ALX4: variants seen among roughly 807,000 people sequenced by gnomAD.
ALX4 encodes the protein homeobox protein aristaless-like 4.
A neutral mutation model predicts 40.6 loss-of-function variants in ALX4; 22 were observed. The ratio of observed to expected loss-of-function variants is 0.54; its 90% CI spans 0.39 to 0.77. The LOEUF (loss-of-function observed/expected upper bound fraction) is 0.77, where lower values mean the gene tolerates loss of function less well. Ranked by LOEUF, ALX4 falls within the 30% of genes least tolerant of loss-of-function variation. The pLI is 0.00. For missense variants in ALX4, 556 were observed against 564.8 expected (o/e 0.98, Z 0.16); for synonymous variants, 266 against 240.5 (o/e 1.11, Z -0.98).
chr11:44,281,080 A>T (rs1325886594), intron 1 of ALX4, among the ~76,000 whole-genome samples: 2 of 151,928 alleles, frequency 1.3e-5, no homozygotes, highest in Non-Finnish European at 2.9e-5. Context: ...AACCCTTGAG[A>T]GGTTTCCAAA....
At position 44,265,071 on chromosome 11, in the gene ALX4, C is replaced by A; in HGVS notation, c.1019G>T (p.Gly340Val). 1.1e-5 allele frequency: 17 copies of A among 1,612,964 alleles called. No individual in the cohort carries two copies. Among genetic ancestry groups the A allele is most frequent in the Non-Finnish European group, 1.4e-5 (17 of 1,179,918 alleles). Reference protein sequence around the residue: ...ACMSPHAHPPGSGASSVTDFL... With the variant: ...ACMSPHAHPPVSGASSVTDFL... ...GTCGGTGACGCTGCTGGCCCCAGAG[C>A]CAGGGGGGTGGGCATGAGGGGACAT... The change falls in exon 4 of 4, where the codon GGC (glycine) becomes GTC (valine). Residue 340 changes from glycine to valine, a missense_variant. By Grantham distance (109) the Gly-to-Val change is moderately radical. Coordinates refer to ENST00000652299, the MANE Select transcript of ALX4 (RefSeq NM_021926.4).
intron 1 of ALX4, among the ~76,000 whole-genome samples, chr11:44,285,028 A>G (rs1956330611): frequency 1.3e-5 from 2 of 151,854 alleles, no homozygotes; most frequent in South Asian, 4.2e-4. Context: ...GCAGTGGTGC[A>G]CTCTTGGCTC....
intron 1 of ALX4, among the ~76,000 whole-genome samples, chr11:44,288,454 G>A (rs182403501): frequency 6.6e-6 from 1 of 152,152 alleles, no homozygotes; most frequent in Non-Finnish European, 1.5e-5. Flanking sequence ...TGGAAAGAAG[G>A]CACCTTCCCT....
At chr11:44,292,400 T>C in intron 1 of ALX4, among the ~76,000 whole-genome samples, 1 of 80,298 alleles carries the variant, frequency 1.2e-5, no homozygotes, top group Middle Eastern at 6.8e-3. Flanking sequence ...TTTTTTTTTT[T>C]GTAGAGACGA....
chr11:44,301,555 G>A (rs933503794), intron 1 of ALX4, among the ~76,000 whole-genome samples: 1 of 152,208 alleles, frequency 6.6e-6, no homozygotes, highest in Non-Finnish European at 1.5e-5. Context: ...TCATGGCGGG[G>A]TCTGCTTTAC....
chr11:44,303,118 C>T (rs1278716150), intron 1 of ALX4, among the ~76,000 whole-genome samples: 1 of 152,210 alleles, frequency 6.6e-6, no homozygotes, highest in Non-Finnish European at 1.5e-5. Context: ...CCCACAGCTT[C>T]CCAGCCTTCT....
intron 1 of ALX4, 98 bp from the exon 2 acceptor site, chr11:44,275,756 T>C (rs1358398868): frequency 1.5e-5 from 18 of 1,212,126 alleles, no homozygotes; most frequent in Non-Finnish European, 1.1e-6. Context: ...AGCCACCCCC[T>C]GCCTTTTTCC....
At chr11:44,285,157 G>T (rs1006073689) in intron 1 of ALX4, among the ~76,000 whole-genome samples, 1 of 152,172 alleles carries the variant, frequency 6.6e-6, no homozygotes, top group African/African-American at 2.4e-5. Flanking sequence ...TAGAGACAGG[G>T]TTTCGCCATG....
intron 1 of ALX4, among the ~76,000 whole-genome samples, chr11:44,307,167 G>C (rs1565012195): frequency 1.3e-5 from 2 of 152,092 alleles, no homozygotes; most frequent in African/African-American, 4.8e-5. Flanking sequence ...TGTGGGTGGG[G>C]GTTGGGAGGG....
intron 1 of ALX4, among the ~76,000 whole-genome samples, chr11:44,280,903 C>T (rs1307031619): frequency 2.6e-5 from 4 of 152,226 alleles, no homozygotes; most frequent in Non-Finnish European, 4.4e-5. Context: ...ACCCCCGTAC[C>T]ACTGGGAGCT....
chr11:44,308,265 A>G (rs1956481200), intron 1 of ALX4, among the ~76,000 whole-genome samples: 1 of 152,238 alleles, frequency 6.6e-6, no homozygotes, highest in African/African-American at 2.4e-5. Flanking sequence ...GCAGCCATCT[A>G]TGAACTAGTT....
intron 2 of ALX4, among the ~76,000 whole-genome samples, chr11:44,272,502 TAAA>T (rs35228227): frequency 1.4e-5 from 2 of 144,930 alleles, no homozygotes; most frequent in African/African-American, 2.6e-5. Context: ...AGACTCTGTC[TAAA>T]AAAAAAAAAG....
chr11:44,305,630 A>G (rs1271641783), intron 1 of ALX4, among the ~76,000 whole-genome samples: 1 of 152,214 alleles, frequency 6.6e-6, no homozygotes, highest in Non-Finnish European at 1.5e-5. Flanking sequence ...TTCGTGGTGC[A>G]TGGATTGTGT....
Position 44,267,603 on chromosome 11 carries a change from C to T in ALX4, c.797G>A (p.Arg266Lys). 2 of 1,614,194 alleles carry T rather than the reference C, an allele frequency of 1.2e-6. No individual in the cohort carries two copies. Among genetic ancestry groups the T allele is most frequent in the East Asian group, 2.2e-5 (1 of 44,880 alleles). The part of the protein sequence containing the change: ...ARVQVWFQNR[R>K]AKWRKRERFG... ...ACGCTCCCGCTTCCTCCACTTGGCCCTTCGGTTCTGGAACCAGACCTACAA... is the reference window on the plus strand; with the variant it reads ...ACGCTCCCGCTTCCTCCACTTGGCCTTTCGGTTCTGGAACCAGACCTACAA... Residue 266 changes from arginine (R) to lysine (K), a missense_variant, in exon 3 of 4, where the codon AGG (arginine) becomes AAG (lysine). Arg to Lys is a conservative substitution (Grantham distance 26). Transcript: ENST00000652299.
Position 44,263,035 on chromosome 11 carries a change from G to T in ALX4, c.*1819C>A, listed in dbSNP as rs1483981666. The stretch of plus-strand genomic sequence containing the variant: ...CACAAAGAGGTCTGACTCATTAAGG[G>T]AGGCCACAGCCAGACCCTTCCTCAG... On this transcript the variant is annotated 3_prime_UTR_variant, in exon 4 of 4. Coordinates refer to ENST00000652299, the MANE Select transcript of ALX4 (RefSeq NM_021926.4). 6.6e-6 allele frequency: 1 copy of T among 152,132 alleles called. No homozygotes were observed. Among genetic ancestry groups the T allele is most frequent in the East Asian group, 1.9e-4 (1 of 5,182 alleles). The allele number at this position is 152,132 out of a possible 1,614,324, so 9.4% of individuals were successfully genotyped here.
At chr11:44,309,412 G>A (rs1956491814) in intron 1 of ALX4, among the ~76,000 whole-genome samples, 185 bp downstream of exon 1, 1 of 152,214 alleles carries the variant, frequency 6.6e-6, no homozygotes, top group African/African-American at 2.4e-5. Context: ...CTAGGCCGGC[G>A]GACAAGAAGG....
At chr11:44,286,098 T>C (rs1404227070) in intron 1 of ALX4, among the ~76,000 whole-genome samples, 1 of 152,202 alleles carries the variant, frequency 6.6e-6, no homozygotes, top group African/African-American at 2.4e-5. Context: ...GCCCTGGAGC[T>C]GGGCTCCAGA....
At chr11:44,296,765 T>G (rs1956404789) in intron 1 of ALX4, among the ~76,000 whole-genome samples, 1 of 151,980 alleles carries the variant, frequency 6.6e-6, no homozygotes, top group Non-Finnish European at 1.5e-5. Flanking sequence ...TCCCAGCACT[T>G]TGGGAGGCTG....
At position 44,264,937 on chromosome 11, in the gene ALX4, C is replaced by G. The variant is rs748187496; in HGVS notation, c.1153G>C (p.Glu385Gln). Residue 385 changes from glutamate (E) to glutamine (Q), a missense_variant, in exon 4 of 4, where the codon GAG (glutamate) becomes CAG (glutamine). Glu to Gln is a conservative substitution (Grantham distance 29). Coordinates refer to ENST00000652299, the MANE Select transcript of ALX4 (RefSeq NM_021926.4). ...ATGCTCGAGGTCTTGCGGTCCGGCT[C>G]GCCGTTGAGCTCGTAGCCATTGAGG... ...PGLNGYELNG[E>Q]PDRKTSSIAA... 3.1e-6 allele frequency: 5 copies of G among 1,612,948 alleles called. No homozygotes were observed. The highest frequency in any genetic ancestry group is 4.2e-6 in the Non-Finnish European group (5 of 1,179,948).
Sources: allele counts gnomAD v4.1 joint callset (sites outside exome capture counted in the v4.1 genomes callset), GRCh38; gene constraint gnomAD v4.1.1; transcripts MANE v1.5; gene names NCBI Gene and HGNC (gene_info 2026-07-23, HGNC 2026-07-21).